NEMP1: variants seen among roughly 807,000 people sequenced by gnomAD.
NEMP1 encodes the protein nuclear envelope integral membrane protein 1, also known as transmembrane protein 194.
NEMP1 carries 29 observed loss-of-function variants against 53.7 expected under a neutral mutation model. That is an observed-to-expected ratio of 0.54 (90% CI 0.40 to 0.74). The LOEUF (loss-of-function observed/expected upper bound fraction) is 0.74, where lower values mean the gene tolerates loss of function less well. Among genes scored for constraint, NEMP1 ranks in the 30% least tolerant of loss-of-function variants. The probability of loss-of-function intolerance (pLI) is 0.00; values close to 1 mark genes in which losing one functional copy is unlikely to be tolerated. For missense variants in NEMP1, 477 were observed against 528.6 expected, an observed-to-expected ratio of 0.90 and a Z score of 0.96; for synonymous variants, 193 against 192.9, an observed-to-expected ratio of 1.00 and a Z score of 0.00.
intron 1 of NEMP1, among the ~76,000 whole-genome samples, chr12:57,086,385 A>C (rs1047845003): frequency 1.3e-5 from 2 of 152,168 alleles, no homozygotes; most frequent in East Asian, 3.8e-4. Flanking sequence ...CTTTGAGAGC[A>C]CTGGGGATGG....
At chr12:57,084,079 C>T (rs2136530564) in intron 1 of NEMP1, among the ~76,000 whole-genome samples, 1 of 152,354 alleles carries the variant, frequency 6.6e-6, no homozygotes, top group East Asian at 1.9e-4. Flanking sequence ...TCTCGTGCCT[C>T]CACCTCCCGA....
chr12:57,061,147 C>T (rs553661220), intron 7 of NEMP1, among the ~76,000 whole-genome samples: 7 of 151,966 alleles, frequency 4.6e-5, no homozygotes, highest in African/African-American at 1.4e-4. Context: ...GGCGACAGAG[C>T]GAGACTCCAT....
At chr12:57,062,676 C>T (rs961704075) in intron 7 of NEMP1, among the ~76,000 whole-genome samples, 2 of 151,400 alleles carry the variant, frequency 1.3e-5, no homozygotes, top group Admixed American at 6.6e-5. Context: ...CATGGGGAAC[C>T]CTACTAAAAA....
chr12:57,063,907 T>C (rs2031942661), intron 6 of NEMP1, among the ~76,000 whole-genome samples, 164 bp downstream of exon 6: 1 of 152,202 alleles, frequency 6.6e-6, no homozygotes, highest in Non-Finnish European at 1.5e-5. Flanking sequence ...GAGAAGGTGA[T>C]AATTGTAGAG....
rs763768198 is a variant in NEMP1 at position 57,060,032 on chromosome 12, GGAA to G, written c.1179_1181del (p.Ser394del). 2.8e-5 allele frequency: 45 copies of G among 1,613,714 alleles called. No homozygotes were observed. Among genetic ancestry groups the G allele is most frequent in the Non-Finnish European group, 3.6e-5 (43 of 1,179,880 alleles). On this transcript the variant is annotated inframe_deletion, in exon 9 of 9. Coordinates refer to ENST00000300128, the MANE Select transcript of NEMP1 (RefSeq NM_001130963.2). ...CAGAAACTTCATTTGGCGTGAGGTG[GGAA>G]GAGCCTTCCACAAAGTCAGCAAATC...
intron 7 of NEMP1, 108 bp from the exon 8 acceptor site, chr12:57,061,053 A>T: frequency 8.0e-6 from 9 of 1,123,064 alleles, no homozygotes; most frequent in Non-Finnish European, 1.1e-5. Context: ...CCTGAACATT[A>T]AGAGTCATCA....
upstream of NEMP1, among the ~76,000 whole-genome samples, chr12:57,088,468 G>A (rs948742257): frequency 6.6e-6 from 1 of 152,168 alleles, no homozygotes; most frequent in African/African-American, 2.4e-5. Context: ...TGCACGCACA[G>A]GAGAAGCCGC....
At chr12:57,084,607 C>T (rs189409350) in intron 1 of NEMP1, among the ~76,000 whole-genome samples, 7 of 152,330 alleles carry the variant, frequency 4.6e-5, no homozygotes, top group African/African-American at 1.7e-4. Context: ...CTCCACTCTG[C>T]TCCTAAGTGC....
chr12:57,086,920 G>A (rs1179486244), intron 1 of NEMP1, among the ~76,000 whole-genome samples: 2 of 152,262 alleles, frequency 1.3e-5, no homozygotes, highest in Non-Finnish European at 2.9e-5. Flanking sequence ...ACAATTTAGA[G>A]AGTTTTCCCG....
chr12:57,062,332 T>C (rs1307626974), intron 7 of NEMP1, among the ~76,000 whole-genome samples: 3 of 151,838 alleles, frequency 2.0e-5, no homozygotes, highest in Non-Finnish European at 2.9e-5. Flanking sequence ...ATACAAAAAT[T>C]AGCCAGGCAT....
intron 8 of NEMP1, 99 bp downstream of exon 8, chr12:57,060,673 A>C (rs553523642): frequency 7.9e-7 from 1 of 1,272,228 alleles, no homozygotes; most frequent in African/African-American, 1.5e-5. Context: ...ACAGGAAAAC[A>C]AAGGTCACAA....
upstream of NEMP1, among the ~76,000 whole-genome samples, chr12:57,080,183 C>T (rs1449074559): frequency 6.6e-6 from 1 of 152,154 alleles, no homozygotes; most frequent in Non-Finnish European, 1.5e-5. Flanking sequence ...CCAGGCTGAC[C>T]TCAAACTCCT....
intron 1 of NEMP1, among the ~76,000 whole-genome samples, chr12:57,074,958 C>T (rs1049138247): frequency 6.6e-6 from 1 of 152,026 alleles, no homozygotes; most frequent in Non-Finnish European, 1.5e-5. Context: ...GGCATGGTGG[C>T]GGGCACCTGT....
chr12:57,073,570 G>A (rs1210979933), intron 1 of NEMP1, among the ~76,000 whole-genome samples: 3 of 152,100 alleles, frequency 2.0e-5, no homozygotes, highest in African/African-American at 7.2e-5. Context: ...CTTGAACTTG[G>A]GAGGCGGAGG....
upstream of NEMP1, among the ~76,000 whole-genome samples, chr12:57,078,949 C>CT (rs751475133): frequency 3.7e-4 from 56 of 152,294 alleles, no homozygotes; most frequent in Non-Finnish European, 6.8e-4. Flanking sequence ...AGCTTTCAGC[C>CT]TATTGGAAAA....
chr12:57,073,470 C>G (rs1259418889), intron 1 of NEMP1, among the ~76,000 whole-genome samples: 2 of 151,790 alleles, frequency 1.3e-5, no homozygotes, highest in African/African-American at 2.4e-5. Flanking sequence ...AGAAACCCCC[C>G]CGTCTCTACT....
At position 57,059,860 on chromosome 12, in the gene NEMP1, A is replaced by G. The variant is rs1320858908; in HGVS notation, c.*19T>C. 4 of 1,609,490 alleles carry G rather than the reference A, an allele frequency of 2.5e-6. No individual in the cohort carries two copies. Among genetic ancestry groups the G allele is most frequent in the Admixed American group, 1.7e-5 (1 of 59,352 alleles). On this transcript the variant is annotated 3_prime_UTR_variant, in exon 9 of 9. Coordinates refer to ENST00000300128, the MANE Select transcript of NEMP1 (RefSeq NM_001130963.2). ...ACCAAGGCACCAAGCCAGTCCACGT[A>G]AAGATAACTGACCACTACCTAGGTT...
intron 8 of NEMP1, among the ~76,000 whole-genome samples, chr12:57,060,448 T>C (rs994061526): frequency 1.3e-5 from 2 of 152,278 alleles, no homozygotes; most frequent in Middle Eastern, 3.4e-3. Context: ...CACATACTCA[T>C]TGGTACATTT....
intron 1 of NEMP1, among the ~76,000 whole-genome samples, chr12:57,084,560 C>G (rs549917662): frequency 6.6e-6 from 1 of 152,318 alleles, no homozygotes; most frequent in South Asian, 2.1e-4. Context: ...ATTTTTCAAG[C>G]TGACCTTCCT....
Sources: gnomAD v4.1 joint callset for allele counts (sites outside exome capture counted in the v4.1 genomes callset) on GRCh38, gnomAD v4.1.1 for gene constraint, MANE v1.5 for transcripts, NCBI Gene and HGNC (gene_info 2026-07-23, HGNC 2026-07-21) for gene names.